The following CTNNA2 variants were observed in gnomAD, a reference collection of about 807,000 sequenced individuals.
The protein encoded by CTNNA2 is catenin alpha 2, also known as catenin alpha-2.
In CTNNA2, 42 loss-of-function variants were observed where a neutral mutation model predicts 101.0. The ratio of observed to expected loss-of-function variants is 0.42; its 90% CI spans 0.32 to 0.54. CTNNA2 has a LOEUF of 0.54. Among genes scored for constraint, CTNNA2 ranks in the 20% least tolerant of loss-of-function variants. The pLI, the probability that CTNNA2 is intolerant of heterozygous loss-of-function variation, is 0.14. For synonymous variants in CTNNA2, 450 were observed against 456.4 expected (o/e 0.99, Z 0.18); for missense variants, 871 against 1,223.1 (o/e 0.71, Z 4.29).
chr2:79,743,715 G>A (rs1438584997), intron 2 of CTNNA2, among the ~76,000 whole-genome samples: 1 of 151,660 alleles, frequency 6.6e-6, no homozygotes, highest in African/African-American at 2.4e-5. Context: ...TGTATTTTTA[G>A]TATAGATGAG....
intron 4 of CTNNA2, among the ~76,000 whole-genome samples, chr2:79,865,232 T>C (rs577569581): frequency 6.6e-6 from 1 of 152,258 alleles, no homozygotes; most frequent in East Asian, 1.9e-4. Flanking sequence ...AACTTAACTT[T>C]ATGGGGCAGA....
intron 12 of CTNNA2, among the ~76,000 whole-genome samples, chr2:80,559,449 G>A (rs1434060): frequency 0.98 from 148,818 of 152,262 alleles, 72,746 homozygotes; most frequent in South Asian, 0.99. Flanking sequence ...ATTGAGAGGT[G>A]CCCAAAGAGT....
intron 4 of CTNNA2, among the ~76,000 whole-genome samples, chr2:79,469,300 A>G (rs2104544863): frequency 6.6e-6 from 1 of 152,358 alleles, no homozygotes; most frequent in South Asian, 2.1e-4. Flanking sequence ...ACATTCCTCG[A>G]CACATACACC....
chr2:79,550,479 C>T (rs1342034416), intron 1 of CTNNA2, among the ~76,000 whole-genome samples: 1 of 152,130 alleles, frequency 6.6e-6, no homozygotes. Context: ...GTAGGCCTCA[C>T]ACCACATCAT....
chr2:79,461,775 A>G (rs998969279), intron 4 of CTNNA2, among the ~76,000 whole-genome samples: 15 of 152,186 alleles, frequency 9.9e-5, no homozygotes, highest in African/African-American at 2.7e-4. Flanking sequence ...TTACCTTGAA[A>G]AGAACATAAA....
intron 9 of CTNNA2, among the ~76,000 whole-genome samples, chr2:80,536,329 A>G (rs1443295033): frequency 6.6e-6 from 1 of 152,192 alleles, no homozygotes; most frequent in Non-Finnish European, 1.5e-5. Flanking sequence ...GACTGACTAT[A>G]AATTCAAGTA....
chr2:79,296,192 A>C (rs1043957369), intron 2 of CTNNA2, among the ~76,000 whole-genome samples: 6 of 152,150 alleles, frequency 3.9e-5, no homozygotes, highest in Admixed American at 3.9e-4. Context: ...CAAACATTAC[A>C]ATGTTAAAGA....
intron 7 of CTNNA2, among the ~76,000 whole-genome samples, chr2:79,944,283 T>G (rs568503493): frequency 3.2e-4 from 49 of 152,278 alleles, no homozygotes; most frequent in Non-Finnish European, 5.4e-4. Context: ...ACCCACTAGA[T>G]GTAGCCAGTG....
At chr2:79,321,948 A>G (rs1676634417) in intron 3 of CTNNA2, among the ~76,000 whole-genome samples, 1 of 152,218 alleles carries the variant, frequency 6.6e-6, no homozygotes, top group South Asian at 2.1e-4. Context: ...TCATCCCAGC[A>G]GACATATGAT....
At chr2:80,136,179 C>T (rs1171316240) in intron 7 of CTNNA2, among the ~76,000 whole-genome samples, 2 of 152,090 alleles carry the variant, frequency 1.3e-5, no homozygotes, top group Non-Finnish European at 2.9e-5. Flanking sequence ...TAATAAATGA[C>T]TGTTCTTGAT....
At chr2:80,535,418 T>C (rs1274451098) in intron 9 of CTNNA2, among the ~76,000 whole-genome samples, 2 of 152,162 alleles carry the variant, frequency 1.3e-5, no homozygotes, top group Non-Finnish European at 1.5e-5. Context: ...TGTCAAGTCA[T>C]TACTGGGTGC....
intron 7 of CTNNA2, among the ~76,000 whole-genome samples, chr2:80,232,333 GTTTGTTTGTTTGTTTTTTTTTTT>G (rs1709265881): frequency 1.1e-4 from 5 of 45,354 alleles, no homozygotes; most frequent in Admixed American, 5.7e-4. Flanking sequence ...TTGTTTGTTT[GTTTGTTTGTTTGTTTTTTTTTTT>G]TTTTTTTTTT....
intron 4 of CTNNA2, among the ~76,000 whole-genome samples, chr2:79,862,926 A>T (rs191407680): frequency 1.3e-5 from 2 of 152,204 alleles, no homozygotes; most frequent in Non-Finnish European, 2.9e-5. Context: ...AAAAGTCCAG[A>T]GGTAATAGCT....
At chr2:79,359,146 G>T (rs1171550691) in intron 3 of CTNNA2, among the ~76,000 whole-genome samples, 1 of 152,126 alleles carries the variant, frequency 6.6e-6, no homozygotes, top group Non-Finnish European at 1.5e-5. Context: ...TGATACAGAG[G>T]GAGTGGAATA....
At chr2:80,449,004 A>C (rs146120375) in intron 9 of CTNNA2, among the ~76,000 whole-genome samples, 2 of 152,282 alleles carry the variant, frequency 1.3e-5, no homozygotes, top group Non-Finnish European at 2.9e-5. Flanking sequence ...ATGCTTTCTA[A>C]GGCATAGTCC....
chr2:79,707,615 A>T (rs1357257036), intron 2 of CTNNA2, among the ~76,000 whole-genome samples: 2 of 152,188 alleles, frequency 1.3e-5, no homozygotes, highest in African/African-American at 4.8e-5. Context: ...CAGTGTCTTT[A>T]TCAATACCAT....
At chr2:79,828,624 TAG>T (rs140886755) in intron 3 of CTNNA2, among the ~76,000 whole-genome samples, 3,074 of 152,314 alleles carry the variant, frequency 0.02, 43 homozygotes, top group Non-Finnish European at 0.03. Context: ...ATCCTAGGAA[TAG>T]AGTTTCTGCT....
intron 2 of CTNNA2, among the ~76,000 whole-genome samples, chr2:79,204,287 A>C (rs1449520295): frequency 2.0e-5 from 3 of 152,200 alleles, no homozygotes; most frequent in Non-Finnish European, 4.4e-5. Flanking sequence ...GCCTTTTGGC[A>C]GCTCTTTCTT....
In CTNNA2 at chr2:80,033,424, T is replaced by C. The variant is rs55766601; in HGVS notation, c.1056+123627T>C. ...CTGTCTCCACAAAAAAAATTAGAAATTAGCCAGGCTTGGTGGCATGCACCT... is the reference window on the plus strand; with the variant it reads ...CTGTCTCCACAAAAAAAATTAGAAACTAGCCAGGCTTGGTGGCATGCACCT... On this transcript the variant is annotated intron_variant, in intron 7 of 18. Coordinates refer to ENST00000402739, the MANE Select transcript of CTNNA2 (RefSeq NM_001282597.3). Among the ~76,000 whole-genome samples, 933 of 151,752 alleles carry C rather than the reference T, an allele frequency of 6.1e-3. 5 individuals carry two copies. Among genetic ancestry groups the C allele is most frequent in the African/African-American group, 0.021 (859 of 41,352 alleles).
Sources: allele counts gnomAD v4.1 joint callset (sites outside exome capture counted in the v4.1 genomes callset), GRCh38; gene constraint gnomAD v4.1.1; transcripts MANE v1.5; gene names NCBI Gene and HGNC (gene_info 2026-07-23, HGNC 2026-07-21).